The following ZNF536 variants were observed in gnomAD, a reference collection of about 807,000 sequenced individuals.
ZNF536 encodes the protein zinc finger protein 536.
Under a neutral mutation model 84.5 loss-of-function variants are expected in ZNF536, and 13 were observed. The ratio of observed to expected loss-of-function variants is 0.15; its 90% confidence interval spans 0.10 to 0.24. ZNF536 has a LOEUF of 0.24. ZNF536 is among the 10% of genes least tolerant of loss of function. The probability of loss-of-function intolerance (pLI) is 1.00; values close to 1 mark genes in which losing one functional copy is unlikely to be tolerated. For missense variants in ZNF536, 1,536 were observed against 1,747.5 expected (o/e 0.88, Z 2.16); for synonymous variants, 811 against 742.5 (o/e 1.09, Z -1.50).
chr19:30,585,676 C>T (rs1266123247), intron 1 of ZNF536, among the ~76,000 whole-genome samples: 1 of 152,166 alleles, frequency 6.6e-6, no homozygotes, highest in Non-Finnish European at 1.5e-5. Context: ...AGCCTTCTGT[C>T]TCAAGCAGCC....
chr19:30,471,766 TAG>T (rs745726802), intron 2 of ZNF536, among the ~76,000 whole-genome samples: 82 of 152,220 alleles, frequency 5.4e-4, no homozygotes, highest in Non-Finnish European at 1.1e-3. Context: ...TCTGCCTGGA[TAG>T]AGAGAGAATG....
At position 30,608,152 on chromosome 19, in the gene ZNF536, A is replaced by G. The variant is rs74651546; in HGVS notation, c.169+58638A>G. ...GATTTTTTGAATGGATTTGTTTGGAACAAGATTTACAAAATTCTAAATGGT... is the reference window on the plus strand; with the variant it reads ...GATTTTTTGAATGGATTTGTTTGGAGCAAGATTTACAAAATTCTAAATGGT... On this transcript the variant is annotated intron_variant, in intron 1 of 1. Coordinates refer to the ZNF536 transcript ENST00000592773. Among the ~76,000 whole-genome samples, 714 of 152,320 alleles carry G rather than the reference A, an allele frequency of 4.7e-3. 6 individuals are homozygous for G. The highest frequency in any genetic ancestry group is 0.016 in the African/African-American group (680 of 41,562).
chr19:30,612,904 G>A (rs2048151098), intron 1 of ZNF536, among the ~76,000 whole-genome samples: 1 of 152,240 alleles, frequency 6.6e-6, no homozygotes, highest in South Asian at 2.1e-4. Flanking sequence ...AGGACTTCAT[G>A]TTGAATTTAA....
At chr19:30,588,698 C>G (rs543022495) in intron 1 of ZNF536, among the ~76,000 whole-genome samples, 1 of 152,278 alleles carries the variant, frequency 6.6e-6, no homozygotes, top group South Asian at 2.1e-4. Context: ...GGCCCAGAAC[C>G]TTTTCAGGCA....
At chr19:30,258,176 G>A (rs1385079179) in intron 1 of ZNF536, among the ~76,000 whole-genome samples, 3 of 152,204 alleles carry the variant, frequency 2.0e-5, no homozygotes, top group South Asian at 4.1e-4. Flanking sequence ...CCATGGAGAC[G>A]TCATTGGTGG....
intron 1 of ZNF536, among the ~76,000 whole-genome samples, chr19:30,594,736 C>T (rs2047396711): frequency 1.3e-5 from 2 of 152,054 alleles, no homozygotes; most frequent in Admixed American, 6.5e-5. Flanking sequence ...CCTCCCCACT[C>T]TTCTCCTGTT....
chr19:30,327,469 C>T (rs909859289), intron 2 of ZNF536, among the ~76,000 whole-genome samples: 1 of 152,208 alleles, frequency 6.6e-6, no homozygotes, highest in Non-Finnish European at 1.5e-5. Flanking sequence ...ATAATTATCT[C>T]CACATAAGAC....
chr19:30,555,046 C>T (rs1222067979), intron 4 of ZNF536: 2 of 152,274 alleles, frequency 1.3e-5, no homozygotes, highest in Non-Finnish European at 2.9e-5. Flanking sequence ...TGGGAAGCCA[C>T]ACCTCTGTCT....
chr19:30,570,352 G>A (rs918776627), intron 1 of ZNF536, among the ~76,000 whole-genome samples: 11 of 152,182 alleles, frequency 7.2e-5, no homozygotes, highest in Non-Finnish European at 1.6e-4. Flanking sequence ...AACCCGGCAC[G>A]TTCCTCCCAA....
intron 1 of ZNF536, among the ~76,000 whole-genome samples, chr19:30,431,024 G>C (rs892920001): frequency 2.6e-5 from 4 of 152,160 alleles, no homozygotes; most frequent in African/African-American, 9.7e-5. Context: ...AAGATGAACT[G>C]GAGGGTTATC....
downstream of ZNF536, among the ~76,000 whole-genome samples, chr19:30,559,800 T>A (rs141500494): frequency 1.7e-4 from 26 of 152,306 alleles, no homozygotes; most frequent in Non-Finnish European, 3.2e-4. Flanking sequence ...AGGCGTCTGC[T>A]GTTCTCTCTT....
At chr19:30,287,811 T>G (rs1307703317) in intron 2 of ZNF536, among the ~76,000 whole-genome samples, 6 of 139,662 alleles carry the variant, frequency 4.3e-5, no homozygotes, top group African/African-American at 1.4e-4. Context: ...GATGGATGGA[T>G]GGTGGATGGA....
At chr19:30,379,885 A>G (rs757612901) in intron 1 of ZNF536, among the ~76,000 whole-genome samples, 2 of 152,098 alleles carry the variant, frequency 1.3e-5, no homozygotes, top group African/African-American at 4.8e-5. Context: ...TGCCCTACTT[A>G]CCTTGCCTAA....
At chr19:30,614,373 A>G (rs1315333944) in intron 1 of ZNF536, among the ~76,000 whole-genome samples, 2 of 148,858 alleles carry the variant, frequency 1.3e-5, no homozygotes, top group Non-Finnish European at 3.0e-5. Context: ...TTGATGAACA[A>G]TTTGATTATA....
intron 1 of ZNF536, among the ~76,000 whole-genome samples, chr19:30,278,362 C>T (rs1028520695): frequency 8.5e-5 from 13 of 152,124 alleles, no homozygotes; most frequent in South Asian, 4.1e-4. Flanking sequence ...TGGTTTCTGG[C>T]CATGGGCGAT....
At chr19:30,551,390 G>C (rs1021254551) in intron 4 of ZNF536, among the ~76,000 whole-genome samples, 1 of 152,202 alleles carries the variant, frequency 6.6e-6, no homozygotes, top group Non-Finnish European at 1.5e-5. Context: ...ACGTCAGGGA[G>C]CCTGCCGGGT....
chr19:30,351,455 AT>A (rs2047928142), intron 2 of ZNF536, among the ~76,000 whole-genome samples: 1 of 152,236 alleles, frequency 6.6e-6, no homozygotes, highest in Non-Finnish European at 1.5e-5. Context: ...CTCTGTCACT[AT>A]CATTTGCATA....
chr19:30,338,882 C>A (rs1392337339), intron 2 of ZNF536, among the ~76,000 whole-genome samples: 1 of 152,142 alleles, frequency 6.6e-6, no homozygotes, highest in African/African-American at 2.4e-5. Context: ...GCATCAGTTT[C>A]CCTATGGATG....
At chr19:30,589,308 G>C (rs1011958699) in intron 1 of ZNF536, among the ~76,000 whole-genome samples, 1 of 152,168 alleles carries the variant, frequency 6.6e-6, no homozygotes, top group African/African-American at 2.4e-5. Flanking sequence ...TAGACCCTCT[G>C]TTGGCTCTTA....
Sources: allele counts gnomAD v4.1 joint callset (sites outside exome capture counted in the v4.1 genomes callset), GRCh38; gene constraint gnomAD v4.1.1; transcripts MANE v1.5; gene names NCBI Gene and HGNC (gene_info 2026-07-23, HGNC 2026-07-21).